The following LINGO2 variants were observed in gnomAD, a reference collection of about 807,000 sequenced individuals.
LINGO2 encodes the protein leucine rich repeat and Ig domain containing 2, also known as leucine-rich repeat and immunoglobulin-like domain-containing nogo receptor-interacting protein 2.
LINGO2 carries 14 observed loss-of-function variants against 30.6 expected under a neutral mutation model. The observed-to-expected ratio is 0.46, with a 90% CI of 0.30 to 0.72. The LOEUF is 0.72. LINGO2 is among the 30% of genes least tolerant of loss of function. LINGO2 has a pLI of 0.07. For missense variants in LINGO2, 729 were observed against 751.7 expected (o/e 0.97, Z 0.35); for synonymous variants, 317 against 288.5 (o/e 1.10, Z -1.00).
At chr9:28,256,179 C>T (rs1438759110) in intron 4 of LINGO2, among the ~76,000 whole-genome samples, 7 of 152,062 alleles carry the variant, frequency 4.6e-5, no homozygotes, top group African/African-American at 1.7e-4. Flanking sequence ...TTGTAAGCGG[C>T]CCTCACCCCT....
At chr9:28,199,987 C>T (rs1820169600) in intron 4 of LINGO2, among the ~76,000 whole-genome samples, 1 of 113,194 alleles carries the variant, frequency 8.8e-6, no homozygotes, top group Non-Finnish European at 1.8e-5. Flanking sequence ...ACCAGTTGAA[C>T]TTCATTTAGG....
the LINGO2 span, among the ~76,000 whole-genome samples, chr9:29,053,922 GAAGA>G: frequency 2.6e-5 from 4 of 151,844 alleles, no homozygotes; most frequent in African/African-American, 9.7e-5. Context: ...AGTTAAAAGA[GAAGA>G]AAGGAGACAC....
the LINGO2 span, among the ~76,000 whole-genome samples, chr9:28,848,073 T>TA: frequency 2.5e-5 from 1 of 40,802 alleles, no homozygotes; most frequent in African/African-American, 1.3e-4. Context: ...GTATATAATA[T>TA]ATATATACAC....
At chr9:28,805,791 C>T in the LINGO2 span, among the ~76,000 whole-genome samples, 15 of 151,760 alleles carry the variant, frequency 9.9e-5, no homozygotes, top group South Asian at 1.2e-3. Flanking sequence ...GTAATGATTG[C>T]GGTAGTTCAG....
At chr9:28,326,868 C>T (rs1305739734) in intron 3 of LINGO2, among the ~76,000 whole-genome samples, 1 of 152,126 alleles carries the variant, frequency 6.6e-6, no homozygotes, top group African/African-American at 2.4e-5. Context: ...CACCCCTGGA[C>T]ACATAAATAC....
intron 2 of LINGO2, among the ~76,000 whole-genome samples, chr9:28,420,922 G>A (rs1008695667): frequency 5.3e-5 from 8 of 151,916 alleles, no homozygotes; most frequent in Non-Finnish European, 8.8e-5. Flanking sequence ...CTTAAGAAAC[G>A]AATGCTGAAA....
At chr9:28,707,225 T>A in the LINGO2 span, among the ~76,000 whole-genome samples, 3 of 152,134 alleles carry the variant, frequency 2.0e-5, no homozygotes, top group Admixed American at 2.0e-4. Context: ...AATCATTACA[T>A]CTTCCAGACA....
intron 2 of LINGO2, among the ~76,000 whole-genome samples, chr9:28,406,562 T>C (rs1282231162): frequency 6.6e-6 from 1 of 152,198 alleles, no homozygotes; most frequent in Non-Finnish European, 1.5e-5. Flanking sequence ...TTCATTTCTA[T>C]ATAATAAAAC....
Position 28,442,973 on chromosome 9 carries a change from G to T in LINGO2, c.-279+32967C>A, listed in dbSNP as rs182906157. Among the ~76,000 whole-genome samples, 222 of 151,846 alleles carry T rather than the reference G, an allele frequency of 1.5e-3. No individual in the cohort carries two copies. In the Middle Eastern group the frequency reaches 0.017, roughly 12 times the overall value. ...ATATTAAAAATATTACCCCAACATT[G>T]TTTTTTTATCCCACAAACTGAGGAC... On this transcript the variant is annotated intron_variant, in intron 2 of 5. Transcript: ENST00000379992.
intron 1 of LINGO2, among the ~76,000 whole-genome samples, chr9:28,647,546 G>C (rs369469417): frequency 6.6e-6 from 1 of 151,952 alleles, no homozygotes; most frequent in Non-Finnish European, 1.5e-5. Flanking sequence ...AGCAGAAAAT[G>C]ACATATTTTT....
chr9:28,254,669 G>GA (rs574820979), intron 4 of LINGO2, among the ~76,000 whole-genome samples: 8 of 151,172 alleles, frequency 5.3e-5, no homozygotes, highest in East Asian at 1.9e-4. Flanking sequence ...TCCTTTTACT[G>GA]AAAAAAAAAT....
the LINGO2 span, among the ~76,000 whole-genome samples, chr9:28,711,849 T>TA: frequency 6.6e-6 from 1 of 152,124 alleles, no homozygotes; most frequent in Non-Finnish European, 1.5e-5. Flanking sequence ...CACAAAAACT[T>TA]ACTCCATTAA....
the LINGO2 span, among the ~76,000 whole-genome samples, chr9:28,884,967 ATATAATATATATAATATATAATAATATAT>A: frequency 0.02 from 351 of 17,762 alleles, 49 homozygotes; most frequent in South Asian, 0.043. Context: ...TATTTTATAT[ATATAATATATATAATATATAATAATATAT>A]TATATATATA....
intron 1 of LINGO2, among the ~76,000 whole-genome samples, chr9:28,623,490 C>G (rs12004604): frequency 7.2e-5 from 11 of 151,838 alleles, no homozygotes; most frequent in African/African-American, 2.4e-4. Flanking sequence ...TTGTCAAATA[C>G]GAGTTCACTT....
At chr9:28,702,786 T>C in the LINGO2 span, among the ~76,000 whole-genome samples, 1 of 151,902 alleles carries the variant, frequency 6.6e-6, no homozygotes, top group African/African-American at 2.4e-5. Flanking sequence ...TTTTAGATCA[T>C]TGTTAACTAC....
the LINGO2 span, among the ~76,000 whole-genome samples, chr9:28,886,715 T>C: frequency 4.6e-5 from 7 of 152,170 alleles, no homozygotes; most frequent in African/African-American, 1.7e-4. Flanking sequence ...TTTATTCTAA[T>C]GAGGCTAGCT....
chr9:28,279,383 A>G (rs566077581), intron 4 of LINGO2, among the ~76,000 whole-genome samples: 1 of 152,324 alleles, frequency 6.6e-6, no homozygotes, highest in African/African-American at 2.4e-5. Flanking sequence ...TCTTTTATGA[A>G]AAGAAGTATC....
intron 2 of LINGO2, among the ~76,000 whole-genome samples, chr9:28,463,626 C>T (rs1364178627): frequency 6.6e-6 from 1 of 151,960 alleles, no homozygotes; most frequent in Non-Finnish European, 1.5e-5. Context: ...ATTTACTTGA[C>T]CTTACACAGA....
At chr9:28,606,814 A>G (rs1006064786) in intron 1 of LINGO2, among the ~76,000 whole-genome samples, 1 of 152,076 alleles carries the variant, frequency 6.6e-6, no homozygotes, top group African/African-American at 2.4e-5. Context: ...GAATCATAAA[A>G]CGAGTTAGTG....
Sources: allele counts gnomAD v4.1 joint callset (sites outside exome capture counted in the v4.1 genomes callset), GRCh38; gene constraint gnomAD v4.1.1; transcripts MANE v1.5; gene names NCBI Gene and HGNC (gene_info 2026-07-23, HGNC 2026-07-21).